Variants in PCDHA4 observed in about 807,000 individuals in gnomAD.
PCDHA4 encodes the protein protocadherin alpha-4.
A neutral mutation model predicts 61.4 loss-of-function variants in PCDHA4; 49 were observed. The observed-to-expected ratio is 0.80, with a 90% CI of 0.63 to 1.01. PCDHA4 has a LOEUF of 1.01. Among genes scored for constraint, PCDHA4 ranks in the 50% least tolerant of loss-of-function variants. The pLI is 0.00. For synonymous variants in PCDHA4, 590 were observed against 550.3 expected (o/e 1.07, Z -1.01); for missense variants, 1,254 against 1,235.8 (o/e 1.01, Z -0.22).
intron 3 of PCDHA4, among the ~76,000 whole-genome samples, chr5:140,985,992 G>A (rs1173402846): frequency 3.3e-5 from 5 of 152,068 alleles, no homozygotes; most frequent in African/African-American, 4.8e-5. Context: ...GCCCACCTCA[G>A]CCTCCCAAAG....
chr5:140,923,183 C>G (rs2081208346), intron 1 of PCDHA4, among the ~76,000 whole-genome samples: 2 of 152,206 alleles, frequency 1.3e-5, no homozygotes, highest in South Asian at 4.1e-4. Context: ...TCAGATGCAT[C>G]TACTGCAGCA....
In PCDHA4 at chr5:140,846,979, A is replaced by G. The variant is rs2150396342; in HGVS notation, c.2385+37407A>G. On this transcript the variant is annotated intron_variant, in intron 1 of 3. Transcript: ENST00000530339. ...GTGTTTCAGTGGTTTTAAAATAAGT[A>G]AGTTCCCCCCGGGAGAATATTGAGA... Among the ~76,000 whole-genome samples, 3 of 149,618 alleles carry G rather than the reference A, an allele frequency of 2.0e-5. 1 individual carries two copies. The highest frequency in any genetic ancestry group is 3.0e-5 in the Non-Finnish European group (2 of 66,912).
intron 3 of PCDHA4, among the ~76,000 whole-genome samples, chr5:141,007,672 A>G (rs782403242): frequency 6.6e-6 from 1 of 152,194 alleles, no homozygotes; most frequent in African/African-American, 2.4e-5. Context: ...TACAAAGACA[A>G]AAGTTATCCT....
intron 1 of PCDHA4, among the ~76,000 whole-genome samples, chr5:140,972,920 C>T (rs1343772789): frequency 6.6e-6 from 1 of 152,048 alleles, no homozygotes; most frequent in East Asian, 1.9e-4. Context: ...CCTTGGCCTC[C>T]CAAAGTGCTG....
rs1174845394 is a variant in PCDHA4, at chr5:140,833,140, TGAAGCAATAC to T, written c.2385+23572_2385+23581del. On this transcript the variant is annotated intron_variant, in intron 1 of 3. Coordinates refer to ENST00000530339, the MANE Select transcript of PCDHA4 (RefSeq NM_018907.4). ...GTCATTTGAAAGCTGTCAAAAAGTG[TGAAGCAATAC>T]GAATAAAAAGTATTAACGGAAGATG... Among the ~76,000 whole-genome samples, 7 of 152,296 alleles carry T rather than the reference TGAAGCAATAC, an allele frequency of 4.6e-5. No individual in the cohort carries two copies. In the East Asian group the frequency reaches 1.3e-3, roughly 29 times the overall value.
At chr5:141,001,289 TGAGGCCCA>T (rs1387793441) in intron 3 of PCDHA4, among the ~76,000 whole-genome samples, 1 of 152,150 alleles carries the variant, frequency 6.6e-6, no homozygotes, top group Non-Finnish European at 1.5e-5. Context: ...GGATGAAAAC[TGAGGCCCA>T]GAGATATGAA....
At chr5:140,856,081 G>T in intron 1 of PCDHA4, 1 of 1,595,042 alleles carries the variant, frequency 6.3e-7, no homozygotes, top group Non-Finnish European at 8.6e-7. Context: ...TGGGGGTCCA[G>T]TGTCTGCTGC....
rs781792274 is a variant in PCDHA4, at chr5:140,927,895, G to A, written c.2386-51054G>A. The A allele has an allele frequency of 4.3e-5, 70 of 1,614,074 alleles. No homozygotes were observed. The highest frequency in any genetic ancestry group is 5.3e-5 in the Non-Finnish European group (62 of 1,180,048). On this transcript the variant is annotated intron_variant, in intron 1 of 3. Coordinates refer to ENST00000530339, the MANE Select transcript of PCDHA4 (RefSeq NM_018907.4). ...GCTGGTGGAGGTGACTGACGTGAACGATCATGCCCCCGAACTGGACTTCCT... is the reference window on the plus strand; with the variant it reads ...GCTGGTGGAGGTGACTGACGTGAACAATCATGCCCCCGAACTGGACTTCCT...
chr5:140,888,129 A>G (rs2061706592), intron 1 of PCDHA4, among the ~76,000 whole-genome samples: 2 of 152,024 alleles, frequency 1.3e-5, no homozygotes, highest in Admixed American at 1.3e-4. Flanking sequence ...CTATGGATAT[A>G]TTTTCTTGCT....
At position 140,809,305 on chromosome 5, in the gene PCDHA4, G is replaced by T; in HGVS notation, c.2118G>T (p.Ala706=). The part of the protein sequence containing the change: ...VNVYLIIAIC[A]VSSLLVLTLL... ...TATACCTGATCATTGCCATCTGCGC[G>T]GTGTCCAGCCTTTTGGTGCTCACGC... Residue 706 remains alanine, a synonymous_variant, in exon 1 of 4, where the codon GCG becomes GCT. Coordinates refer to ENST00000530339, the MANE Select transcript of PCDHA4 (RefSeq NM_018907.4). 1 of 1,614,114 alleles carries T rather than the reference G, an allele frequency of 6.2e-7. No homozygotes were observed. Among genetic ancestry groups the T allele is most frequent in the Non-Finnish European group, 8.5e-7 (1 of 1,179,946 alleles).
chr5:140,986,285 A>AGACT (rs1311762694), intron 3 of PCDHA4, among the ~76,000 whole-genome samples: 3 of 152,134 alleles, frequency 2.0e-5, no homozygotes, highest in Admixed American at 2.0e-4. Flanking sequence ...GCTTCCCTTG[A>AGACT]GACTGAGCAG....
In PCDHA4 at chr5:140,965,644, G is replaced by C. The variant is rs201197561; in HGVS notation, c.2386-13305G>C. On this transcript the variant is annotated intron_variant, in intron 1 of 3. Transcript: ENST00000530339. Reference sequence around the variant, plus strand: ...AAAGAAAAAATTTTAAATTACTCTTGAAAGAAAATGTCTTGGGTGATAAAT... The same window carrying C: ...AAAGAAAAAATTTTAAATTACTCTTCAAAGAAAATGTCTTGGGTGATAAAT... Among the ~76,000 whole-genome samples, 13 of 152,146 alleles carry C rather than the reference G, an allele frequency of 8.5e-5. No individual in the cohort carries two copies. The East Asian group carries it at 2.5e-3, about 29-fold the overall frequency.
chr5:140,840,577 G>T lies in PCDHA4; in HGVS notation c.2385+31005G>T, dbSNP rs185474153. ...TACTGCTAGAGTTTGGCATGTCAGA[G>T]AAATCATAAAGGAAAATGTTTTAAG... On this transcript the variant is annotated intron_variant, in intron 1 of 3. Coordinates refer to ENST00000530339, the MANE Select transcript of PCDHA4 (RefSeq NM_018907.4). Among the ~76,000 whole-genome samples, 160 of 152,084 alleles carry T rather than the reference G, an allele frequency of 1.1e-3. 2 individuals are homozygous for T. Among genetic ancestry groups the T allele is most frequent in the African/African-American group, 3.7e-3 (153 of 41,446 alleles).
At position 140,808,647 on chromosome 5, in the gene PCDHA4, A is replaced by G; in HGVS notation, c.1460A>G (p.Asn487Ser). Residue 487 changes from asparagine (N) to serine (S), a missense_variant, in exon 1 of 4, where the codon AAC becomes AGC. Asn to Ser is a conservative substitution (Grantham distance 46). Coordinates refer to ENST00000530339, the MANE Select transcript of PCDHA4 (RefSeq NM_018907.4). ...VSAWDADAQE[N>S]ALVSYSLVER... is the part of the protein sequence containing the mutation. ...GCGTGGGACGCGGACGCGCAGGAGA[A>G]CGCGCTGGTGTCCTACTCGCTGGTA... The G allele has an allele frequency of 6.2e-7, 1 of 1,613,334 alleles. No individual in the cohort carries two copies. The highest frequency in any genetic ancestry group is 8.5e-7 in the Non-Finnish European group (1 of 1,179,848).
intron 1 of PCDHA4, among the ~76,000 whole-genome samples, chr5:140,963,991 A>G (rs1232646749): frequency 1.3e-5 from 2 of 152,190 alleles, no homozygotes; most frequent in Admixed American, 6.5e-5. Context: ...ATTCCTAATT[A>G]CTGTGTTCTA....
intron 1 of PCDHA4, among the ~76,000 whole-genome samples, chr5:140,954,602 A>G (rs2095062634): frequency 6.6e-6 from 1 of 152,120 alleles, no homozygotes; most frequent in South Asian, 2.1e-4. Flanking sequence ...TTCTTTGCCC[A>G]CTTTTTAATG....
intron 1 of PCDHA4, chr5:140,870,967 C>T (rs782808360): frequency 1.9e-6 from 3 of 1,613,648 alleles, no homozygotes; most frequent in Admixed American, 1.7e-5. Context: ...CATCCCGTTC[C>T]GCGTGGGGCT....
At chr5:140,907,857 G>C (rs1554193158) in intron 1 of PCDHA4, among the ~76,000 whole-genome samples, 1 of 152,210 alleles carries the variant, frequency 6.6e-6, no homozygotes, top group Non-Finnish European at 1.5e-5. Flanking sequence ...CTCTGCTGAG[G>C]CCAGCCGTTG....
intron 1 of PCDHA4, chr5:140,859,810 TGC>T (rs2046025948): frequency 6.6e-6 from 1 of 152,488 alleles, no homozygotes. Context: ...GCTAAGTTAA[TGC>T]AGAGTTTAGA....
Sources: allele counts gnomAD v4.1 joint callset (sites outside exome capture counted in the v4.1 genomes callset), GRCh38; gene constraint gnomAD v4.1.1; transcripts MANE v1.5; gene names NCBI Gene and HGNC (gene_info 2026-07-23, HGNC 2026-07-21).